The following MEGF11 variants were observed in gnomAD, a reference collection of about 807,000 sequenced individuals.
The protein encoded by MEGF11 is multiple EGF like domains 11, also known as multiple epidermal growth factor-like domains protein 11.
MEGF11 carries 126 observed loss-of-function variants against 146.6 expected under a neutral mutation model. The observed-to-expected ratio is 0.86, with a 90% CI of 0.74 to 1.00. The LOEUF is 1.00. Among genes scored for constraint, MEGF11 ranks in the 50% least tolerant of loss-of-function variants. The probability of loss-of-function intolerance (pLI) is 0.00; values close to 1 mark genes in which losing one functional copy is unlikely to be tolerated. For synonymous variants in MEGF11, 532 were observed against 583.4 expected, an observed-to-expected ratio of 0.91 and a Z score of 1.27; for missense variants, 1,509 against 1,521.2, an observed-to-expected ratio of 0.99 and a Z score of 0.13.
intron 5 of MEGF11, among the ~76,000 whole-genome samples, chr15:66,074,494 C>T (rs896409764): frequency 2.0e-5 from 3 of 152,118 alleles, no homozygotes; most frequent in South Asian, 2.1e-4. Context: ...TCTCTGGAGC[C>T]GAGTTTTTCA....
chr15:66,067,073 G>A (rs905650699), intron 5 of MEGF11, among the ~76,000 whole-genome samples: 3 of 152,198 alleles, frequency 2.0e-5, no homozygotes, highest in African/African-American at 7.2e-5. Context: ...TAACTCATAG[G>A]TTTGATATGA....
At chr15:66,080,038 C>T (rs1406192665) in intron 5 of MEGF11, among the ~76,000 whole-genome samples, 1 of 152,214 alleles carries the variant, frequency 6.6e-6, no homozygotes, top group African/African-American at 2.4e-5. Flanking sequence ...AAGGCTGGAA[C>T]ATCTCAAAGA....
intron 1 of MEGF11, among the ~76,000 whole-genome samples, chr15:66,166,204 C>T (rs1384096167): frequency 6.6e-6 from 1 of 152,134 alleles, no homozygotes; most frequent in South Asian, 2.1e-4. Context: ...CCCTTGCTCT[C>T]CCCGCCCAGG....
chr15:66,220,394 C>T (rs543316252), intron 1 of MEGF11, among the ~76,000 whole-genome samples: 2 of 152,180 alleles, frequency 1.3e-5, no homozygotes, highest in East Asian at 3.9e-4. Flanking sequence ...CGAGAGATTA[C>T]TGTATGATCC....
intron 7 of MEGF11, among the ~76,000 whole-genome samples, chr15:65,977,716 T>C (rs899579662): frequency 1.3e-5 from 2 of 151,984 alleles, no homozygotes; most frequent in Admixed American, 6.6e-5. Flanking sequence ...GGATAACTGG[T>C]CCTATTTCCC....
At chr15:65,925,474 A>C (rs2079339358) in intron 13 of MEGF11, among the ~76,000 whole-genome samples, 1 of 152,204 alleles carries the variant, frequency 6.6e-6, no homozygotes, top group South Asian at 2.1e-4. Context: ...AAGAAGGGTC[A>C]AGGATTTCCC....
chr15:66,067,321 C>T (rs1341015903), intron 5 of MEGF11, among the ~76,000 whole-genome samples: 3 of 152,196 alleles, frequency 2.0e-5, no homozygotes, highest in African/African-American at 7.2e-5. Flanking sequence ...GTAATGATGC[C>T]TAGTACCTCA....
chr15:66,044,850 C>CAAAAA (rs140901440), intron 5 of MEGF11, among the ~76,000 whole-genome samples: 6 of 90,712 alleles, frequency 6.6e-5, no homozygotes, highest in African/African-American at 2.5e-4. Flanking sequence ...GACCTTATCT[C>CAAAAA]AAAAAAAAAA....
At chr15:66,038,444 C>A (rs1262400212) in intron 5 of MEGF11, among the ~76,000 whole-genome samples, 2 of 152,204 alleles carry the variant, frequency 1.3e-5, no homozygotes, top group African/African-American at 4.8e-5. Context: ...GTGGCTAAGG[C>A]TTTGCATCTT....
At chr15:66,185,397 G>GT (rs925893117) in intron 1 of MEGF11, among the ~76,000 whole-genome samples, 27 of 151,922 alleles carry the variant, frequency 1.8e-4, no homozygotes, top group East Asian at 1.7e-3. Flanking sequence ...CTTTTGTGGG[G>GT]TTTTTTTTCT....
chr15:66,119,657 A>G (rs2087920507), intron 3 of MEGF11, among the ~76,000 whole-genome samples: 1 of 150,234 alleles, frequency 6.7e-6, no homozygotes, highest in Non-Finnish European at 1.5e-5. Context: ...GAACTGAGGC[A>G]GAGTCAGCAA....
chr15:65,939,472 A>G (rs1429627574), intron 10 of MEGF11, among the ~76,000 whole-genome samples: 1 of 150,846 alleles, frequency 6.6e-6, no homozygotes, highest in Admixed American at 6.6e-5. Flanking sequence ...ATGAGACCTA[A>G]GGTCCCTTTC....
chr15:66,088,936 G>A (rs375216109), intron 5 of MEGF11, among the ~76,000 whole-genome samples: 14 of 152,192 alleles, frequency 9.2e-5, no homozygotes, highest in African/African-American at 3.1e-4. Context: ...GCACAACAAT[G>A]TGAATGTACC....
intron 10 of MEGF11, among the ~76,000 whole-genome samples, chr15:65,955,168 C>G (rs1235263864): frequency 5.9e-5 from 9 of 152,206 alleles, no homozygotes; most frequent in Admixed American, 5.9e-4. Flanking sequence ...GTGGTGCAGT[C>G]ACCTGACCAC....
chr15:66,235,081 T>G (rs1036169862), intron 1 of MEGF11, among the ~76,000 whole-genome samples: 16 of 152,364 alleles, frequency 1.1e-4, no homozygotes, highest in African/African-American at 3.8e-4. Context: ...AAAACCCATT[T>G]CAGAGTCTCC....
At chr15:65,910,669 A>G (rs1026347277) in intron 21 of MEGF11, among the ~76,000 whole-genome samples, 5 of 152,226 alleles carry the variant, frequency 3.3e-5, no homozygotes, top group East Asian at 1.9e-4. Flanking sequence ...TGTTGGCTTG[A>G]TAGTGGTTGC....
chr15:65,909,838 C>T, intron 21 of MEGF11, 32 bp from the exon 22 acceptor site: 1 of 1,536,886 alleles, frequency 6.5e-7, no homozygotes, highest in African/African-American at 1.4e-5. Context: ...CAGTTAATAT[C>T]TAGTGCCCCA....
chr15:66,088,148 G>C (rs533339613), intron 5 of MEGF11, among the ~76,000 whole-genome samples: 1 of 152,214 alleles, frequency 6.6e-6, no homozygotes, highest in African/African-American at 2.4e-5. Context: ...ACCCTGAACA[G>C]ACAAATAACA....
At chr15:66,097,868 G>T (rs1451436326) in intron 4 of MEGF11, among the ~76,000 whole-genome samples, 5 of 152,112 alleles carry the variant, frequency 3.3e-5, no homozygotes, top group Non-Finnish European at 7.3e-5. Flanking sequence ...CACAGGGTAA[G>T]ATGAGTAAGA....
Sources: allele counts gnomAD v4.1 joint callset (sites outside exome capture counted in the v4.1 genomes callset), GRCh38; gene constraint gnomAD v4.1.1; transcripts MANE v1.5; gene names NCBI Gene and HGNC (gene_info 2026-07-23, HGNC 2026-07-21).